Variants in MAFK observed in about 807,000 individuals in gnomAD.
MAFK encodes transcription factor MafK.
Under a neutral mutation model 9.2 loss-of-function variants are expected in MAFK, and 1 was observed. The observed-to-expected ratio is 0.11, with a 90% CI of 0.04 to 0.52. MAFK has a LOEUF of 0.52. MAFK is among the 20% of genes least tolerant of loss of function. MAFK has a pLI of 0.94. For missense variants in MAFK, 207 were observed against 236.0 expected (o/e 0.88, Z 0.81); for synonymous variants, 110 against 107.4 (o/e 1.02, Z -0.15).
rs916200897 is a variant in MAFK at position 1,534,576 on chromosome 7, C to T, written c.-45+3678C>T. On this transcript the variant is annotated intron_variant, in intron 1 of 2. Coordinates refer to ENST00000343242, the MANE Select transcript of MAFK (RefSeq NM_002360.4). This position sits in a 1 kb window ranked among gnomAD's most constrained non-coding sequence, Gnocchi z 4.3. ...CTCCGTTCCTGGTCTTCCTCCTGCC[C>T]CTCCTCCCTCTCCCGCATCCCACAT... 4 of 456,472 alleles carry T rather than the reference C, an allele frequency of 8.8e-6. No individual in the cohort carries two copies. The highest frequency in any genetic ancestry group is 1.8e-5 in the Non-Finnish European group (4 of 226,910). 28.3% of individuals were successfully genotyped at this position (456,472 alleles called of 1,614,324 possible).
intron 1 of MAFK, chr7:1,538,560 C>G: frequency 2.1e-6 from 1 of 483,748 alleles, no homozygotes; most frequent in Non-Finnish European, 2.7e-6. Flanking sequence ...CCCCAGAGGC[C>G]CCCTCTCGGG....
rs1048876738 is a variant in MAFK at position 1,537,689 on chromosome 7, C to T, written c.-44-1460C>T. 6.1e-6 allele frequency: 6 copies of T among 985,472 alleles called. No homozygotes were observed. In the African/African-American group the frequency reaches 7.0e-5, roughly 11 times the overall value. The allele number at this position is 985,472 out of a possible 1,614,324, so 61.0% of individuals were successfully genotyped here. A position where few individuals can be genotyped will look rare whatever the true frequency, so the allele number is the denominator to read the frequency against. On this transcript the variant is annotated intron_variant, in intron 1 of 2. Transcript: ENST00000343242. ...CGGACTCGGCAGCCTGGCGCAGGAC[C>T]CTGTCTCACCTGTGCGGCCCTCTTG...
chr7:1,533,824 C>T (rs1004653863), intron 1 of MAFK, among the ~76,000 whole-genome samples: 2 of 152,194 alleles, frequency 1.3e-5, no homozygotes, highest in Middle Eastern at 3.4e-3. Flanking sequence ...CCGGAATGCC[C>T]CTGACTGGAC....
At chr7:1,536,189 G>A (rs545888067) in intron 1 of MAFK, among the ~76,000 whole-genome samples, 28 of 152,290 alleles carry the variant, frequency 1.8e-4, no homozygotes, top group African/African-American at 4.3e-4. Context: ...GCCCCACAGC[G>A]GAAACTCAGA....
rs1346520955 is a variant in MAFK at position 1,542,617 on chromosome 7, G to A, written c.*2242G>A. ...GAGCTGGGCCGGGGAAGCACGGTGTGTTCTGCTTTTCTTTTCAGATTGTTG... is the reference window on the plus strand; with the variant it reads ...GAGCTGGGCCGGGGAAGCACGGTGTATTCTGCTTTTCTTTTCAGATTGTTG... On this transcript the variant is annotated 3_prime_UTR_variant, in exon 3 of 3. Transcript: ENST00000343242. 6.6e-6 allele frequency: 1 copy of A among 152,438 alleles called. No individual in the cohort carries two copies. Among genetic ancestry groups the A allele is most frequent in the African/African-American group, 2.4e-5 (1 of 41,598 alleles). 9.4% of individuals were successfully genotyped at this position (152,438 alleles called of 1,614,324 possible). A position where few individuals can be genotyped will look rare whatever the true frequency, so the allele number is the denominator to read the frequency against.
intron 1 of MAFK, chr7:1,537,460 T>C (rs930854768): frequency 4.1e-6 from 4 of 985,488 alleles, no homozygotes; most frequent in African/African-American, 3.5e-5. Flanking sequence ...ATGGAAAAGT[T>C]TCTCATGGTG....
intron 1 of MAFK, among the ~76,000 whole-genome samples, chr7:1,537,044 C>T (rs1784047865): frequency 6.6e-6 from 1 of 152,254 alleles, no homozygotes; most frequent in South Asian, 2.1e-4. Flanking sequence ...GTAGCCCTGG[C>T]AACCTTGACC....
rs1162803191 is a variant in MAFK, at chr7:1,540,720, GAC to G, written c.*348_*349del. The G allele has an allele frequency of 4.2e-5, 12 of 288,710 alleles. No individual in the cohort carries two copies. The highest frequency in any genetic ancestry group is 2.2e-3 in the Middle Eastern group (2 of 918). 17.9% of individuals were successfully genotyped at this position (288,710 alleles called of 1,614,324 possible). On this transcript the variant is annotated 3_prime_UTR_variant, in exon 3 of 3. Coordinates refer to ENST00000343242, the MANE Select transcript of MAFK (RefSeq NM_002360.4). ...GCGTCCTCTGTGGGGGCTGCCGGAA[GAC>G]ACGGCCCCAGGAGTCAGGCCCCTGT...
At position 1,540,371 on chromosome 7, in the gene MAFK, C is replaced by T. The variant is rs1784146852; in HGVS notation, c.467C>T (p.Ser156Phe). 1 of 1,560,274 alleles carries T rather than the reference C, an allele frequency of 6.4e-7. No homozygotes were observed. Among genetic ancestry groups the T allele is most frequent in the Non-Finnish European group, 8.7e-7 (1 of 1,152,292 alleles). The change falls in exon 3 of 3, where the codon TCC becomes TTC. Residue 156 changes from serine to phenylalanine, a missense_variant. By Grantham distance (155) the Ser-to-Phe change is radical. Coordinates refer to ENST00000343242, the MANE Select transcript of MAFK (RefSeq NM_002360.4). ...ACCTCCGTGCCCTTCTCGGCTGCAT[C>T]CTAGTGCCGGCCGGGGGCGGGGGGT... Reference protein sequence around the residue: ...SSTSVPFSAAS With the variant: ...SSTSVPFSAAF
In MAFK at chr7:1,540,555, T is replaced by G; in HGVS notation, c.*180T>G. The G allele has an allele frequency of 1.5e-6, 1 of 661,188 alleles. No homozygotes were observed. The highest frequency in any genetic ancestry group is 2.5e-6 in the Non-Finnish European group (1 of 402,322). The allele number at this position is 661,188 out of a possible 1,614,324, so 41.0% of individuals were successfully genotyped here. A position where few individuals can be genotyped will look rare whatever the true frequency, so the allele number is the denominator to read the frequency against. On this transcript the variant is annotated 3_prime_UTR_variant, in exon 3 of 3. Transcript: ENST00000343242. ...TTGCAGGGTGAAGAGTGGGCTCCCGTGGGCCCAGAGCTGCACGCCGGTCCA... is the reference window on the plus strand; with the variant it reads ...TTGCAGGGTGAAGAGTGGGCTCCCGGGGGCCCAGAGCTGCACGCCGGTCCA...
intron 1 of MAFK, chr7:1,538,885 C>A: frequency 2.8e-6 from 1 of 356,254 alleles, no homozygotes; most frequent in South Asian, 3.1e-5. Flanking sequence ...GGGTCCCAGC[C>A]GCTCTGTGGA....
chr7:1,535,102 T>TTTTTTTTTTTTG (rs1783997550), intron 1 of MAFK, among the ~76,000 whole-genome samples: 1 of 150,248 alleles, frequency 6.7e-6, no homozygotes, highest in African/African-American at 2.5e-5. Flanking sequence ...TTTTTTTTTT[T>TTTTTTTTTTTTG]GTAGAGATGG....
chr7:1,537,424 C>T (rs925436308), intron 1 of MAFK: 4 of 985,514 alleles, frequency 4.1e-6, no homozygotes, highest in Non-Finnish European at 4.8e-6. Context: ...GAGCTGGAAG[C>T]GGTGCCCGCG....
chr7:1,539,544 TGGC>T (rs1784124748), intron 2 of MAFK, among the ~76,000 whole-genome samples: 2 of 127,712 alleles, frequency 1.6e-5, no homozygotes, highest in East Asian at 4.5e-4. Flanking sequence ...GTGGCCAGCG[TGGC>T]CTCTGGTGAA....
chr7:1,539,635 G>T (rs1405414079), intron 2 of MAFK, among the ~76,000 whole-genome samples: 1 of 152,234 alleles, frequency 6.6e-6, no homozygotes, highest in African/African-American at 2.4e-5. Flanking sequence ...GTGCCTGTGG[G>T]CCGGCTCAGT....
chr7:1,532,726 CGTTTGTTTACAGTCTCTGGCAAAGCT>C lies in MAFK; in HGVS notation c.-45+1834_-45+1859del, dbSNP rs1423819698. Among the ~76,000 whole-genome samples, 2 of 152,160 alleles carry C rather than the reference CGTTTGTTTACAGTCTCTGGCAAAGCT, an allele frequency of 1.3e-5. No homozygotes were observed. The highest frequency in any genetic ancestry group is 2.9e-5 in the Non-Finnish European group (2 of 68,042). On this transcript the variant is annotated intron_variant, in intron 1 of 2. Coordinates refer to ENST00000343242, the MANE Select transcript of MAFK (RefSeq NM_002360.4). This position sits in a 1 kb window ranked among gnomAD's most constrained non-coding sequence, Gnocchi z 4.5. The stretch of plus-strand genomic sequence containing the variant: ...CACCCACGGGGCTCAGCGATGGCTG[CGTTTGTTTACAGTCTCTGGCAAAGCT>C]GTTTGCCACCCAGACGGAGAAGAAG...
In MAFK at chr7:1,534,493, C is replaced by T. The variant is rs896944620; in HGVS notation, c.-45+3595C>T. 1.1e-5 allele frequency: 5 copies of T among 441,420 alleles called. No individual in the cohort carries two copies. The highest frequency in any genetic ancestry group is 2.0e-5 in the African/African-American group (1 of 49,792). The allele number at this position is 441,420 out of a possible 1,614,324, so 27.3% of individuals were successfully genotyped here. A position where few individuals can be genotyped will look rare whatever the true frequency, so the allele number is the denominator to read the frequency against. ...AGTCACTGGTCGGGGGGCGGGAGGG[C>T]GCTTGCTGCTGTGCTGCTGGGTTTC... On this transcript the variant is annotated intron_variant, in intron 1 of 2. Coordinates refer to ENST00000343242, the MANE Select transcript of MAFK (RefSeq NM_002360.4). This position sits in a 1 kb window ranked among gnomAD's most constrained non-coding sequence, Gnocchi z 4.3.
At chr7:1,531,341 CG>C (rs1783900115) in intron 1 of MAFK, among the ~76,000 whole-genome samples, 3 of 151,992 alleles carry the variant, frequency 2.0e-5, no homozygotes, top group Admixed American at 2.0e-4. Context: ...TCCGCCCCAG[CG>C]TGGCTTCCGC....
Position 1,534,364 on chromosome 7 carries a change from C to T in MAFK, c.-45+3466C>T, listed in dbSNP as rs748361066. ...AGCGGCCCCACCTACCCTTGCGGCCCAGTGTGGAGGGCACCCGGCTTGGGG... is the reference window on the plus strand; with the variant it reads ...AGCGGCCCCACCTACCCTTGCGGCCTAGTGTGGAGGGCACCCGGCTTGGGG... On this transcript the variant is annotated intron_variant, in intron 1 of 2. Transcript: ENST00000343242. This position sits in a 1 kb window ranked among gnomAD's most constrained non-coding sequence, Gnocchi z 4.3. 4.4e-6 allele frequency: 2 copies of T among 450,396 alleles called. No individual in the cohort carries two copies. Among genetic ancestry groups the T allele is most frequent in the South Asian group, 3.1e-5 (2 of 64,412 alleles). The allele number at this position is 450,396 out of a possible 1,614,324, so 27.9% of individuals were successfully genotyped here. A position where few individuals can be genotyped will look rare whatever the true frequency, so the allele number is the denominator to read the frequency against.
Sources: allele counts gnomAD v4.1 joint callset (sites outside exome capture counted in the v4.1 genomes callset), GRCh38; gene constraint gnomAD v4.1.1; non-coding constraint Gnocchi (gnomAD v3.1); transcripts MANE v1.5; gene names NCBI Gene and HGNC (gene_info 2026-07-23, HGNC 2026-07-21).